Variants in CACNG3 observed in about 807,000 individuals in gnomAD.
CACNG3 encodes the protein calcium voltage-gated channel auxiliary subunit gamma 3, also known as voltage-dependent calcium channel gamma-3 subunit.
In CACNG3, 3 loss-of-function variants were observed where a neutral mutation model predicts 28.5. That is an observed-to-expected ratio of 0.11 (90% CI 0.05 to 0.27). The LOEUF (loss-of-function observed/expected upper bound fraction) is 0.27. CACNG3 is among the 10% of genes least tolerant of loss of function. CACNG3 has a pLI of 1.00. For missense variants in CACNG3, 236 were observed against 414.4 expected (o/e 0.57, Z 3.74); for synonymous variants, 174 against 162.2 (o/e 1.07, Z -0.55).
chr16:24,320,895 AT>A (rs371001626), intron 1 of CACNG3, among the ~76,000 whole-genome samples: 25 of 149,900 alleles, frequency 1.7e-4, no homozygotes, highest in African/African-American at 4.9e-4. Flanking sequence ...ATGCCTAATA[AT>A]TTTTTTTTTC....
intron 1 of CACNG3, among the ~76,000 whole-genome samples, chr16:24,288,661 G>A (rs1351610316): frequency 6.6e-6 from 1 of 152,130 alleles, no homozygotes; most frequent in East Asian, 1.9e-4. Context: ...CTGTCTCATG[G>A]CCACACATAC....
chr16:24,361,982 C>A lies in CACNG3; in HGVS notation c.*119C>A. On this transcript the variant is annotated 3_prime_UTR_variant, in exon 4 of 4. Transcript: ENST00000005284. The surrounding 1 kb of genome is among the most constrained non-coding windows in gnomAD (Gnocchi z 6.8). ...TATTACTTTTTACAAAGAATGAAAC[C>A]AAATGGACTCAGCCCTCTCCCACAT... is the stretch of plus-strand genomic sequence containing the variant. 9.9e-7 allele frequency: 1 copy of A among 1,008,712 alleles called. No homozygotes were observed. The highest frequency in any genetic ancestry group is 1.4e-6 in the Non-Finnish European group (1 of 706,120). The allele number at this position is 1,008,712 out of a possible 1,614,324, so 62.5% of individuals were successfully genotyped here. A position where few individuals can be genotyped will look rare whatever the true frequency, so the allele number is the denominator to read the frequency against.
chr16:24,271,743 G>A (rs1307495612), intron 1 of CACNG3, among the ~76,000 whole-genome samples: 1 of 152,180 alleles, frequency 6.6e-6, no homozygotes, highest in African/African-American at 2.4e-5. Flanking sequence ...TAGGAAAGAC[G>A]CTGATAGAGT....
At chr16:24,342,257 G>A (rs192495822) in intron 1 of CACNG3, among the ~76,000 whole-genome samples, 76 of 152,168 alleles carry the variant, frequency 5.0e-4, no homozygotes, top group Non-Finnish European at 9.0e-4. Context: ...GACAAAGCAA[G>A]ACTCCATCTC....
intron 1 of CACNG3, among the ~76,000 whole-genome samples, chr16:24,312,651 T>TA (rs200217804): frequency 2.0e-5 from 3 of 151,774 alleles, no homozygotes; most frequent in East Asian, 1.9e-4. Flanking sequence ...CTCTGTCTCT[T>TA]AAAAATTTTT....
intron 1 of CACNG3, among the ~76,000 whole-genome samples, chr16:24,339,527 A>G (rs1899755503): frequency 6.6e-6 from 1 of 151,952 alleles, no homozygotes; most frequent in Non-Finnish European, 1.5e-5. Flanking sequence ...CTGGGACTAT[A>G]GGTGCCCGCC....
At chr16:24,276,331 G>A (rs1024839965) in intron 1 of CACNG3, among the ~76,000 whole-genome samples, 3 of 151,984 alleles carry the variant, frequency 2.0e-5, no homozygotes, top group African/African-American at 7.3e-5. Context: ...CACTATTTTA[G>A]GGGGGTTTTA....
chr16:24,328,428 T>C (rs539196180), intron 1 of CACNG3, among the ~76,000 whole-genome samples: 2 of 148,946 alleles, frequency 1.3e-5, no homozygotes, highest in South Asian at 4.4e-4. Context: ...AGGACTTTTG[T>C]CACCATCCAA....
chr16:24,317,602 GAAA>G lies in CACNG3; in HGVS notation c.212-29131_212-29129del, dbSNP rs1567217410. On this transcript the variant is annotated intron_variant, in intron 1 of 3. Transcript: ENST00000005284. Reference sequence around the variant, plus strand: ...AGAAAGAAAGAAAGAAAGAAAGAAAGAAAGAAAGAAAGAAAGAAAGAAAGACAG... The same window carrying G: ...AGAAAGAAAGAAAGAAAGAAAGAAAGGAAAGAAAGAAAGAAAGAAAGACAG... Among the ~76,000 whole-genome samples, 37 of 62,526 alleles carry G rather than the reference GAAA, an allele frequency of 5.9e-4. 1 individual carries two copies. The highest frequency in any genetic ancestry group is 1.6e-3 in the Admixed American group (9 of 5,640). 41.0% of individuals were successfully genotyped at this position (62,526 alleles called of 152,430 possible). A position where few individuals can be genotyped will look rare whatever the true frequency, so the allele number is the denominator to read the frequency against.
intron 1 of CACNG3, among the ~76,000 whole-genome samples, chr16:24,317,764 CT>C (rs1429550934): frequency 3.3e-5 from 5 of 151,968 alleles, no homozygotes; most frequent in African/African-American, 1.2e-4. Flanking sequence ...CACCCCAGAC[CT>C]GCTGAATCAG....
intron 1 of CACNG3, among the ~76,000 whole-genome samples, chr16:24,307,963 T>C (rs766530003): frequency 1.8e-4 from 28 of 152,136 alleles, no homozygotes; most frequent in Non-Finnish European, 3.5e-4. Context: ...GGGCTTGCAA[T>C]AGAAGCATCT....
chr16:24,349,177 A>G (rs1899908713), intron 2 of CACNG3, among the ~76,000 whole-genome samples: 1 of 152,034 alleles, frequency 6.6e-6, no homozygotes, highest in South Asian at 2.1e-4. Flanking sequence ...CTGACCCACA[A>G]CCCTGGTGGG....
At chr16:24,299,610 C>G (rs902860901) in intron 1 of CACNG3, among the ~76,000 whole-genome samples, 3 of 152,278 alleles carry the variant, frequency 2.0e-5, no homozygotes, top group Middle Eastern at 3.4e-3. Flanking sequence ...TATATAGCAA[C>G]CCATGTAAAT....
chr16:24,315,869 G>T (rs1899345606), intron 1 of CACNG3, among the ~76,000 whole-genome samples: 1 of 152,150 alleles, frequency 6.6e-6, no homozygotes, highest in African/African-American at 2.4e-5. Context: ...AGGTTGGCCT[G>T]ACTGGTCTTG....
intron 1 of CACNG3, among the ~76,000 whole-genome samples, chr16:24,309,236 C>T (rs1899228399): frequency 6.6e-6 from 1 of 152,180 alleles, no homozygotes. Flanking sequence ...CATCTACTGC[C>T]TAATATGCAC....
chr16:24,345,075 A>C (rs1427667433), intron 1 of CACNG3, among the ~76,000 whole-genome samples: 1 of 152,208 alleles, frequency 6.6e-6, no homozygotes, highest in Non-Finnish European at 1.5e-5. Flanking sequence ...TGCCTGGCCA[A>C]TTGGAAGCAC....
At chr16:24,331,456 T>C (rs1899630149) in intron 1 of CACNG3, among the ~76,000 whole-genome samples, 2 of 152,226 alleles carry the variant, frequency 1.3e-5, no homozygotes, top group South Asian at 4.1e-4. Context: ...GCTTGATCAC[T>C]GTTCCACCCC....
At chr16:24,281,374 C>CTT (rs35072070) in intron 1 of CACNG3, among the ~76,000 whole-genome samples, 51 of 147,586 alleles carry the variant, frequency 3.5e-4, no homozygotes, top group South Asian at 1.1e-3. Flanking sequence ...AATTTTTTGA[C>CTT]TTTTTTTTTT....
At chr16:24,350,360 G>A (rs1167136263) in intron 2 of CACNG3, among the ~76,000 whole-genome samples, 4 of 151,368 alleles carry the variant, frequency 2.6e-5, no homozygotes, top group Non-Finnish European at 4.4e-5. Flanking sequence ...CATCATTCAG[G>A]CTGGAGTACA....
Sources: gnomAD v4.1 joint callset for allele counts (sites outside exome capture counted in the v4.1 genomes callset) on GRCh38, gnomAD v4.1.1 for gene constraint, Gnocchi (gnomAD v3.1) non-coding constraint, MANE v1.5 for transcripts, NCBI Gene and HGNC (gene_info 2026-07-23, HGNC 2026-07-21) for gene names.